DIPK1A: variants seen among roughly 807,000 people sequenced by gnomAD.
DIPK1A encodes the protein divergent protein kinase domain 1A.
DIPK1A carries 27 observed loss-of-function variants against 40.8 expected under a neutral mutation model. The ratio of observed to expected loss-of-function variants is 0.66; its 90% CI spans 0.49 to 0.91. The LOEUF is 0.91. Ranked by LOEUF, DIPK1A falls within the 40% of genes least tolerant of loss-of-function variation. DIPK1A has a pLI of 0.00. For missense variants in DIPK1A, 412 were observed against 505.7 expected (o/e 0.81, Z 1.78); for synonymous variants, 166 against 171.3 (o/e 0.97, Z 0.24).
chr1:92,843,253 A>G lies in DIPK1A; in HGVS notation c.*130T>C. 6.9e-7 allele frequency: 1 copy of G among 1,442,564 alleles called. No individual in the cohort carries two copies. Among genetic ancestry groups the G allele is most frequent in the Middle Eastern group, 2.6e-4 (1 of 3,868 alleles). 89.4% of individuals were successfully genotyped at this position (1,442,564 alleles called of 1,614,324 possible). ...CCATTACTTCAGTGATCACATACTG[A>G]TGGCTTCTCAGGCCTGGGGGGAAGG... On this transcript the variant is annotated 3_prime_UTR_variant, in exon 5 of 5. Coordinates refer to ENST00000370310, the MANE Select transcript of DIPK1A (RefSeq NM_001006605.5).
chr1:92,910,408 T>C (rs1649785508), intron 1 of DIPK1A, among the ~76,000 whole-genome samples: 1 of 152,126 alleles, frequency 6.6e-6, no homozygotes, highest in African/African-American at 2.4e-5. Context: ...ACATGCATCT[T>C]ACAAGCTCTT....
intron 4 of DIPK1A, chr1:92,833,219 A>G (rs1686981282): frequency 3.0e-6 from 2 of 656,890 alleles, no homozygotes; most frequent in Non-Finnish European, 2.7e-6. Flanking sequence ...CATGGAAGGT[A>G]GAGGAAAAAG....
rs1190811369 is a variant in DIPK1A at position 92,836,277 on chromosome 1, C to A, written c.475-3243G>T. 1.9e-6 allele frequency: 3 copies of A among 1,613,976 alleles called. No individual in the cohort carries two copies. Among genetic ancestry groups the A allele is most frequent in the Non-Finnish European group, 2.5e-6 (3 of 1,180,010 alleles). On this transcript the variant is annotated intron_variant, in intron 4 of 4. Transcript: ENST00000615519. ...ATACAATGTGGAAAGCATTGATGGTCAGCCAGGTGCCTTCACCTGCTATTT... is the reference window on the plus strand; with the variant it reads ...ATACAATGTGGAAAGCATTGATGGTAAGCCAGGTGCCTTCACCTGCTATTT...
At chr1:92,833,327 T>G in intron 4 of DIPK1A, 2 of 1,328,682 alleles carry the variant, frequency 1.5e-6, no homozygotes, top group Non-Finnish European at 2.2e-6. Context: ...CATGGTTAAT[T>G]TATGTCAAAA....
rs1557502636 is a variant in DIPK1A at position 92,959,902 on chromosome 1, A to ATTTTTTTTTTTTTTTTTTTTTTTTTTTTT, written c.54+1473_54+1474insAAAAAAAAAAAAAAAAAAAAAAAAAAAAA. Among the ~76,000 whole-genome samples, 82 of 43,092 alleles carry ATTTTTTTTTTTTTTTTTTTTTTTTTTTTT rather than the reference A, an allele frequency of 1.9e-3. 9 individuals carry two copies. Among genetic ancestry groups the ATTTTTTTTTTTTTTTTTTTTTTTTTTTTT allele is most frequent in the Middle Eastern group, 0.013 (1 of 78 alleles). 28.3% of individuals were successfully genotyped at this position (43,092 alleles called of 152,430 possible). On this transcript the variant is annotated intron_variant, in intron 1 of 4. Transcript: ENST00000370310. ...AGCTGGGACCACAGGCACCCAACCA[A>ATTTTTTTTTTTTTTTTTTTTTTTTTTTTT]CTTTTTTTTTTTTTTTTTTTTTTTT...
At chr1:92,865,895 T>C (rs1386852993) in intron 2 of DIPK1A, among the ~76,000 whole-genome samples, 2 of 152,232 alleles carry the variant, frequency 1.3e-5, no homozygotes, top group Non-Finnish European at 2.9e-5. Flanking sequence ...ACATAATTTA[T>C]ACGAAATGCA....
rs370567384 is a variant in DIPK1A, at chr1:92,856,325, C to T, written c.190-5370G>A. 1.9e-3 allele frequency among the ~76,000 whole-genome samples: 281 copies of T among 151,814 alleles called. 10 individuals carry two copies. The South Asian group carries it at 0.057, about 31-fold the overall frequency. ...ACAAAAAAGCTGAATTAGATTAATACATATAAAAATTGAATCAATAACCAA... is the reference window on the plus strand; with the variant it reads ...ACAAAAAAGCTGAATTAGATTAATATATATAAAAATTGAATCAATAACCAA... On this transcript the variant is annotated intron_variant, in intron 2 of 4. Transcript: ENST00000370310.
intron 3 of DIPK1A, among the ~76,000 whole-genome samples, chr1:92,848,326 C>G (rs906241937): frequency 6.6e-6 from 1 of 152,238 alleles, no homozygotes. Context: ...CTTTCCATGA[C>G]CGGTTGGGCT....
At chr1:92,896,617 A>G (rs1016226651) in intron 1 of DIPK1A, among the ~76,000 whole-genome samples, 1 of 149,124 alleles carries the variant, frequency 6.7e-6, no homozygotes, top group African/African-American at 2.5e-5. Context: ...TGTCTAAAAC[A>G]CCAAAAGCAA....
intron 1 of DIPK1A, among the ~76,000 whole-genome samples, chr1:92,914,553 G>C (rs1170985406): frequency 2.0e-5 from 3 of 150,868 alleles, no homozygotes; most frequent in Non-Finnish European, 3.0e-5. Flanking sequence ...GTGATCACTT[G>C]AGGTCAAGAG....
At chr1:92,936,822 G>A (rs930884933) in intron 1 of DIPK1A, among the ~76,000 whole-genome samples, 2 of 152,092 alleles carry the variant, frequency 1.3e-5, no homozygotes, top group Non-Finnish European at 2.9e-5. Flanking sequence ...TAATACACAG[G>A]TCATTTAGAT....
At chr1:92,867,118 T>C (rs2100758079) in intron 2 of DIPK1A, among the ~76,000 whole-genome samples, 1 of 152,290 alleles carries the variant, frequency 6.6e-6, no homozygotes, top group East Asian at 1.9e-4. Context: ...GAAAGTATTA[T>C]TAATCTCCAT....
At chr1:92,888,411 T>C (rs184157066) in intron 1 of DIPK1A, among the ~76,000 whole-genome samples, 1 of 152,308 alleles carries the variant, frequency 6.6e-6, no homozygotes, top group East Asian at 1.9e-4. Context: ...TGTATATATA[T>C]CACATTTTCT....
chr1:92,833,642 C>T, intron 4 of DIPK1A: 1 of 1,610,782 alleles, frequency 6.2e-7, no homozygotes, highest in East Asian at 2.2e-5. Flanking sequence ...GTGTGACAAA[C>T]AGAGATATCA....
chr1:92,924,732 G>A (rs1316774522), intron 1 of DIPK1A, among the ~76,000 whole-genome samples: 1 of 152,206 alleles, frequency 6.6e-6, no homozygotes, highest in East Asian at 1.9e-4. Flanking sequence ...GAGTGATTGA[G>A]TCCAGCAAAT....
At chr1:92,861,579 G>A (rs375643022) in intron 2 of DIPK1A, among the ~76,000 whole-genome samples, 13 of 151,800 alleles carry the variant, frequency 8.6e-5, no homozygotes, top group South Asian at 8.3e-4. Flanking sequence ...CACCCACCTT[G>A]GCCTCCCAAT....
intron 2 of DIPK1A, among the ~76,000 whole-genome samples, chr1:92,872,295 TG>T (rs1647909541): frequency 6.6e-6 from 1 of 151,968 alleles, no homozygotes; most frequent in South Asian, 2.1e-4. Context: ...TTGGCCAGGC[TG>T]GTCTCAAACT....
chr1:92,857,784 A>G (rs748757351), intron 2 of DIPK1A, among the ~76,000 whole-genome samples: 2 of 152,206 alleles, frequency 1.3e-5, no homozygotes, highest in African/African-American at 2.4e-5. Context: ...AAATTTACAG[A>G]GAGCAGGTTA....
downstream of DIPK1A, among the ~76,000 whole-genome samples, chr1:92,838,403 TCTA>T (rs1240999477): frequency 1.3e-5 from 2 of 152,218 alleles, no homozygotes; most frequent in African/African-American, 4.8e-5. Flanking sequence ...GGATTATGAT[TCTA>T]CTAGTCTTGC....
Sources: allele counts gnomAD v4.1 joint callset (sites outside exome capture counted in the v4.1 genomes callset), GRCh38; gene constraint gnomAD v4.1.1; transcripts MANE v1.5; gene names NCBI Gene and HGNC (gene_info 2026-07-23, HGNC 2026-07-21).